Variants in SH3PXD2A observed in about 807,000 individuals in gnomAD.
SH3PXD2A encodes SH3 and PX domains 2A, also known as SH3 and PX domain-containing protein 2A.
In SH3PXD2A, 32 loss-of-function variants were observed where a neutral mutation model predicts 115.2. The ratio of observed to expected loss-of-function variants is 0.28; its 90% CI spans 0.21 to 0.37. The LOEUF (loss-of-function observed/expected upper bound fraction) is 0.37, where lower values mean the gene tolerates loss of function less well. Ranked by LOEUF, SH3PXD2A falls within the 10% of genes least tolerant of loss-of-function variation. The pLI is 1.00. For missense variants in SH3PXD2A, 1,328 were observed against 1,498.7 expected (o/e 0.89, Z 1.88); for synonymous variants, 610 against 629.1 (o/e 0.97, Z 0.45).
intron 2 of SH3PXD2A, among the ~76,000 whole-genome samples, chr10:103,791,510 A>G (rs1287207939): frequency 2.0e-5 from 3 of 152,184 alleles, no homozygotes; most frequent in Non-Finnish European, 4.4e-5. Context: ...CTTGATGTCC[A>G]CAGGCTCTGG....
intron 1 of SH3PXD2A, among the ~76,000 whole-genome samples, chr10:103,847,233 A>G (rs1842855909): frequency 6.6e-6 from 1 of 152,104 alleles, no homozygotes; most frequent in Admixed American, 6.6e-5. Flanking sequence ...GCAGCCTCCA[A>G]TTCCTGGGCT....
At chr10:103,649,157 G>T (rs1201986942) in intron 8 of SH3PXD2A, among the ~76,000 whole-genome samples, 1 of 152,196 alleles carries the variant, frequency 6.6e-6, no homozygotes, top group Non-Finnish European at 1.5e-5. Context: ...AATCTTAGGA[G>T]CTCCAGAACT....
intron 2 of SH3PXD2A, among the ~76,000 whole-genome samples, chr10:103,795,266 T>G (rs1392080467): frequency 6.6e-6 from 1 of 152,254 alleles, no homozygotes; most frequent in Non-Finnish European, 1.5e-5. Flanking sequence ...ATGTGGCTAG[T>G]GGCCACCGCG....
intron 1 of SH3PXD2A, among the ~76,000 whole-genome samples, chr10:103,835,891 G>A (rs368492743): frequency 4.6e-5 from 7 of 152,306 alleles, no homozygotes; most frequent in African/African-American, 1.4e-4. Flanking sequence ...CCCAAGTGGA[G>A]AGGGAGGCCC....
At chr10:103,767,270 C>A in intron 2 of SH3PXD2A, 101 bp from the exon 3 acceptor site, 1 of 831,420 alleles carries the variant, frequency 1.2e-6, no homozygotes. Flanking sequence ...CCAGTGTCCT[C>A]ACACGGATGA....
chr10:103,653,183 G>A (rs2037156397), intron 8 of SH3PXD2A, among the ~76,000 whole-genome samples: 1 of 152,202 alleles, frequency 6.6e-6, no homozygotes, highest in Non-Finnish European at 1.5e-5. Context: ...TGAGCCCCAT[G>A]AGGGCTTTGT....
At position 103,735,768 on chromosome 10, in the gene SH3PXD2A, A is replaced by G. The variant is rs1356850633; in HGVS notation, c.270T>C (p.Ala90=). The G allele has an allele frequency of 6.2e-7, 1 of 1,613,616 alleles. No individual in the cohort carries two copies. Among genetic ancestry groups the G allele is most frequent in the South Asian group, 1.1e-5 (1 of 91,062 alleles). Residue 90 remains alanine, a synonymous_variant, in exon 4 of 15, where the codon GCT becomes GCC. Transcript: ENST00000369774. ...CATCGATGGGCTTCAGTCTCTTCACAGCTACGTCCCGGATGTGGCTTCTGC... is the reference window on the plus strand; with the variant it reads ...CATCGATGGGCTTCAGTCTCTTCACGGCTACGTCCCGGATGTGGCTTCTGC... ...LFRRSHIRDV[A]VKRLKPIDEY... is the part of the protein sequence containing the mutation.
At chr10:103,736,197 T>C (rs1466370810) in intron 3 of SH3PXD2A, among the ~76,000 whole-genome samples, 1 of 152,222 alleles carries the variant, frequency 6.6e-6, no homozygotes, top group Non-Finnish European at 1.5e-5. Context: ...GGCCCATCCC[T>C]CCTTGAGAAA....
chr10:103,693,095 C>A (rs1367281358), intron 5 of SH3PXD2A, 39 bp from the exon 6 acceptor site: 2 of 1,601,832 alleles, frequency 1.2e-6, no homozygotes, highest in Admixed American at 1.7e-5. Context: ...TGGTTAGGGC[C>A]GGGCGCGAGC....
intron 7 of SH3PXD2A, chr10:103,662,106 G>A (rs2037315063): frequency 3.0e-6 from 1 of 335,198 alleles, no homozygotes; most frequent in Non-Finnish European, 4.2e-6. Flanking sequence ...GTCAGGCCCC[G>A]GCAGTTTGAG....
At chr10:103,731,109 G>GTGC (rs2038313928) in intron 4 of SH3PXD2A, among the ~76,000 whole-genome samples, 1 of 151,920 alleles carries the variant, frequency 6.6e-6, no homozygotes, top group African/African-American at 2.4e-5. Flanking sequence ...CCCAGCTGAG[G>GTGC]TGCTCAGATA....
intron 1 of SH3PXD2A, among the ~76,000 whole-genome samples, chr10:103,835,517 G>A (rs1393181768): frequency 1.3e-5 from 2 of 152,336 alleles, no homozygotes; most frequent in African/African-American, 4.8e-5. Context: ...ACACGGTGGA[G>A]AAATCAGACC....
intron 5 of SH3PXD2A, among the ~76,000 whole-genome samples, chr10:103,716,766 C>A (rs1020367910): frequency 6.6e-6 from 1 of 152,232 alleles, no homozygotes; most frequent in Non-Finnish European, 1.5e-5. Context: ...TATGGGTGCA[C>A]CAAAGGCATG....
At chr10:103,852,449 C>T (rs1476103046) in intron 1 of SH3PXD2A, among the ~76,000 whole-genome samples, 1 of 152,252 alleles carries the variant, frequency 6.6e-6, no homozygotes, top group East Asian at 1.9e-4. Context: ...CTCTGGCTAA[C>T]ACGCACATCC....
chr10:103,750,418 C>T (rs768030439), intron 3 of SH3PXD2A, among the ~76,000 whole-genome samples: 5 of 152,138 alleles, frequency 3.3e-5, no homozygotes, highest in Non-Finnish European at 7.3e-5. Context: ...TACTACAAGG[C>T]CTAGCACTCC....
intron 1 of SH3PXD2A, among the ~76,000 whole-genome samples, chr10:103,811,783 T>C (rs78257485): frequency 0.021 from 3,236 of 152,286 alleles, 53 homozygotes; most frequent in South Asian, 0.035. Flanking sequence ...CTATTTTGCA[T>C]AGTTTAAAAT....
In SH3PXD2A at chr10:103,601,108, A is replaced by C. The variant is rs549798346; in HGVS notation, c.*708T>G. 6.6e-6 allele frequency: 1 copy of C among 152,354 alleles called. No homozygotes were observed. The highest frequency in any genetic ancestry group is 1.9e-4 in the East Asian group (1 of 5,172). 9.4% of individuals were successfully genotyped at this position (152,354 alleles called of 1,614,324 possible). On this transcript the variant is annotated 3_prime_UTR_variant, in exon 15 of 15. Transcript: ENST00000369774. ...TGTAAACTCTGGTACTGTGTCCTCC[A>C]TGGGGTGCCCCACGGAGAGCGGGCT...
chr10:103,605,705 C>G, intron 14 of SH3PXD2A, 93 bp downstream of exon 14: 1 of 1,515,612 alleles, frequency 6.6e-7, no homozygotes, highest in Non-Finnish European at 9.1e-7. Flanking sequence ...GCCTGCCCCT[C>G]AGGAATCTTA....
intron 2 of SH3PXD2A, among the ~76,000 whole-genome samples, chr10:103,792,061 C>T (rs1390318135): frequency 6.6e-6 from 1 of 152,106 alleles, no homozygotes; most frequent in African/African-American, 2.4e-5. Context: ...GCGCTGGAGC[C>T]CAGCCAGCTC....
Sources: allele counts gnomAD v4.1 joint callset (sites outside exome capture counted in the v4.1 genomes callset), GRCh38; gene constraint gnomAD v4.1.1; transcripts MANE v1.5; gene names NCBI Gene and HGNC (gene_info 2026-07-23, HGNC 2026-07-21).